The following PTGFRN variants were observed in gnomAD, a reference collection of about 807,000 sequenced individuals.
PTGFRN encodes prostaglandin F2 receptor inhibitor.
In PTGFRN, 35 loss-of-function variants were observed where a neutral mutation model predicts 83.2. The ratio of observed to expected loss-of-function variants is 0.42; its 90% CI spans 0.32 to 0.56. PTGFRN has a LOEUF of 0.56. Ranked by LOEUF, PTGFRN falls within the 20% of genes least tolerant of loss-of-function variation. The probability of loss-of-function intolerance (pLI) is 0.11; values close to 1 mark genes in which losing one functional copy is unlikely to be tolerated. For missense variants in PTGFRN, 1,051 were observed against 1,179.5 expected (o/e 0.89, Z 1.60); for synonymous variants, 519 against 498.6 (o/e 1.04, Z -0.55).
rs779183691 is a variant in PTGFRN at position 116,966,915 on chromosome 1, C to T, written c.1644C>T (p.Ser548=). 49 of 1,592,860 alleles carry T rather than the reference C, an allele frequency of 3.1e-5. No homozygotes were observed. The highest frequency in any genetic ancestry group is 1.4e-4 in the East Asian group (6 of 44,342). ...CCTTCTGGTCATTCATTCCAGATTC[C>T]GTGCTTGTGGTGAAGGCGAGGCAGC... is the stretch of plus-strand genomic sequence containing the variant. ...PVNIFWALED[S]VLVVKARQPK... is the part of the protein sequence containing the mutation. The change falls in exon 6 of 9, where the codon TCC becomes TCT. Residue 548 remains serine, a synonymous_variant. Coordinates refer to ENST00000393203, the MANE Select transcript of PTGFRN (RefSeq NM_020440.4).
intron 1 of PTGFRN, among the ~76,000 whole-genome samples, chr1:116,910,968 G>C (rs745917033): frequency 5.3e-5 from 8 of 151,876 alleles, no homozygotes; most frequent in Non-Finnish European, 1.0e-4. Context: ...CTATCCCCTC[G>C]TCTTCCACCC....
chr1:116,950,130 T>C lies in PTGFRN; in HGVS notation c.1213+558T>C, dbSNP rs147322912. Among the ~76,000 whole-genome samples, 599 of 152,312 alleles carry C rather than the reference T, an allele frequency of 3.9e-3. 4 individuals carry two copies. Among genetic ancestry groups the C allele is most frequent in the South Asian group, 0.026 (127 of 4,826 alleles). ...CTCACCCCAGGTGTAATTTCCCCAGTGGAGGAGCAGAGTAGCTCTCAAGTG... is the reference window on the plus strand; with the variant it reads ...CTCACCCCAGGTGTAATTTCCCCAGCGGAGGAGCAGAGTAGCTCTCAAGTG... On this transcript the variant is annotated intron_variant, in intron 4 of 8. Coordinates refer to ENST00000393203, the MANE Select transcript of PTGFRN (RefSeq NM_020440.4).
intron 6 of PTGFRN, among the ~76,000 whole-genome samples, chr1:116,971,905 T>A (rs1018904178): frequency 3.3e-5 from 5 of 152,218 alleles, no homozygotes; most frequent in African/African-American, 1.2e-4. Context: ...TTTTGTCATT[T>A]TATGTTCTCT....
chr1:116,971,710 C>T (rs917142305), intron 6 of PTGFRN, among the ~76,000 whole-genome samples: 10 of 152,188 alleles, frequency 6.6e-5, no homozygotes, highest in African/African-American at 2.4e-4. Context: ...AGCTGCAGCA[C>T]AAATGCTCTG....
chr1:116,975,469 C>A (rs933435067), intron 7 of PTGFRN, among the ~76,000 whole-genome samples: 3 of 152,156 alleles, frequency 2.0e-5, no homozygotes, highest in Non-Finnish European at 2.9e-5. Flanking sequence ...CTGGGAGGAA[C>A]CCCCCAGTAG....
At chr1:116,931,686 T>G (rs1649807689) in intron 1 of PTGFRN, among the ~76,000 whole-genome samples, 1 of 152,176 alleles carries the variant, frequency 6.6e-6, no homozygotes, top group African/African-American at 2.4e-5. Context: ...GATCCTTTCC[T>G]GTCAGACCTC....
intron 1 of PTGFRN, among the ~76,000 whole-genome samples, chr1:116,910,925 C>G (rs908807228): frequency 1.3e-5 from 2 of 152,288 alleles, no homozygotes; most frequent in African/African-American, 2.4e-5. Context: ...CTGGCTTCTC[C>G]AACTTTTTCT....
intron 1 of PTGFRN, among the ~76,000 whole-genome samples, chr1:116,932,624 A>G (rs1016927840): frequency 3.3e-5 from 5 of 152,058 alleles, no homozygotes; most frequent in Non-Finnish European, 7.4e-5. Context: ...AGTTTCTTCT[A>G]TTCTCTCATC....
intron 8 of PTGFRN, among the ~76,000 whole-genome samples, chr1:116,986,084 T>G (rs1434140276): frequency 4.6e-5 from 7 of 152,218 alleles, no homozygotes; most frequent in African/African-American, 1.7e-4. Context: ...TGATCCATTT[T>G]CTCTCGTAAA....
Position 116,944,981 on chromosome 1 carries a change from G to T in PTGFRN, c.721G>T (p.Asp241Tyr). The T allele has an allele frequency of 1.2e-5, 19 of 1,613,832 alleles. No homozygotes were observed. The highest frequency in any genetic ancestry group is 1.5e-5 in the Non-Finnish European group (18 of 1,180,034). The part of the protein sequence containing the change: ...RLSVSRALSA[D>Y]QGSYRCIVSE... Reference sequence around the variant, plus strand: ...CTCAGTGTCCCGGGCTCTGTCTGCCGACCAGGGCTCCTACAGGTGTATCGT... The same window carrying T: ...CTCAGTGTCCCGGGCTCTGTCTGCCTACCAGGGCTCCTACAGGTGTATCGT... Residue 241 changes from aspartate to tyrosine, a missense_variant, in exon 3 of 9, where the codon GAC (aspartate) becomes TAC (tyrosine). Asp to Tyr is a radical substitution (Grantham distance 160, BLOSUM62 -3). Coordinates refer to ENST00000393203, the MANE Select transcript of PTGFRN (RefSeq NM_020440.4).
chr1:116,978,622 C>T (rs1260833457), intron 7 of PTGFRN, among the ~76,000 whole-genome samples: 1 of 152,088 alleles, frequency 6.6e-6, no homozygotes, highest in African/African-American at 2.4e-5. Context: ...AGACAAAAAC[C>T]ACATGATTAT....
intron 6 of PTGFRN, among the ~76,000 whole-genome samples, chr1:116,971,925 C>A (rs1015110399): frequency 6.6e-5 from 10 of 152,110 alleles, no homozygotes; most frequent in Non-Finnish European, 1.2e-4. Context: ...TTAGAAGGGG[C>A]CTGAGCACTA....
At chr1:116,962,646 G>A (rs765276578) in intron 5 of PTGFRN, among the ~76,000 whole-genome samples, 4 of 152,126 alleles carry the variant, frequency 2.6e-5, no homozygotes, top group Non-Finnish European at 4.4e-5. Flanking sequence ...ACACTTACAT[G>A]CTTATATGCT....
intron 5 of PTGFRN, among the ~76,000 whole-genome samples, chr1:116,965,172 C>T (rs1320766078): frequency 4.6e-5 from 7 of 152,330 alleles, no homozygotes; most frequent in South Asian, 4.1e-4. Flanking sequence ...AAGTGTGCTC[C>T]GGCCTTGTAG....
At chr1:116,933,797 C>T (rs1306558998) in intron 1 of PTGFRN, among the ~76,000 whole-genome samples, 3 of 152,142 alleles carry the variant, frequency 2.0e-5, no homozygotes, top group East Asian at 3.9e-4. Flanking sequence ...GAAAGTTAGC[C>T]ATCAGTTGTA....
At chr1:116,980,606 C>CA (rs1478658661) in intron 7 of PTGFRN, among the ~76,000 whole-genome samples, 6 of 152,086 alleles carry the variant, frequency 3.9e-5, no homozygotes, top group Non-Finnish European at 5.9e-5. Context: ...GTCACAAGGA[C>CA]AAAAAACCAA....
chr1:116,912,028 G>A (rs1312812186), intron 1 of PTGFRN, among the ~76,000 whole-genome samples: 1 of 152,184 alleles, frequency 6.6e-6, no homozygotes, highest in Non-Finnish European at 1.5e-5. Flanking sequence ...GCAGTTCTCT[G>A]AACAACCTGG....
rs368166849 is a variant in PTGFRN at position 116,944,774 on chromosome 1, G to A, written c.514G>A (p.Ala172Thr). The change falls in exon 3 of 9, where the codon GCC becomes ACC. Residue 172 changes from alanine (A) to threonine (T), a missense_variant. By Grantham distance (58) the Ala-to-Thr change is moderately conservative. This residue lies in a region of PTGFRN where 205 missense variants were observed against 174.5 expected (regional missense o/e 1.17). Coordinates refer to ENST00000393203, the MANE Select transcript of PTGFRN (RefSeq NM_020440.4). Reference protein sequence around the residue: ...GEPFELRCTAASASPLHTHLA... With the variant: ...GEPFELRCTATSASPLHTHLA... ...GCCCTTCGAGCTGCGCTGCACCGCC[G>A]CCTCCGCCTCGCCGCTGCACACGCA... 2.6e-4 allele frequency: 401 copies of A among 1,555,604 alleles called. No individual in the cohort carries two copies. Among genetic ancestry groups the A allele is most frequent in the Non-Finnish European group, 3.2e-4 (364 of 1,155,006 alleles).
At chr1:116,940,365 G>A (rs564130308) in intron 1 of PTGFRN, among the ~76,000 whole-genome samples, 1 of 152,264 alleles carries the variant, frequency 6.6e-6, no homozygotes, top group Non-Finnish European at 1.5e-5. Context: ...TTATCTTCAT[G>A]TGGCTTTCTC....
Sources: allele counts gnomAD v4.1 joint callset (sites outside exome capture counted in the v4.1 genomes callset), GRCh38; gene constraint gnomAD v4.1.1; regional missense constraint gnomAD v4.1.1; transcripts MANE v1.5; gene names NCBI Gene and HGNC (gene_info 2026-07-23, HGNC 2026-07-21).